Variants in ABCC2 observed in about 807,000 individuals in gnomAD.
ABCC2 encodes ATP binding cassette subfamily C member 2.
Under a neutral mutation model 173.4 loss-of-function variants are expected in ABCC2, and 157 were observed. The ratio of observed to expected loss-of-function variants is 0.91; its 90% CI spans 0.80 to 1.03. The LOEUF (loss-of-function observed/expected upper bound fraction) is 1.03. Among genes scored for constraint, ABCC2 ranks in the 50% least tolerant of loss-of-function variants. ABCC2 has a pLI of 0.00. For synonymous variants in ABCC2, 657 were observed against 693.5 expected, an observed-to-expected ratio of 0.95 and a Z score of 0.83; for missense variants, 1,822 against 1,852.3, an observed-to-expected ratio of 0.98 and a Z score of 0.30.
intron 19 of ABCC2, among the ~76,000 whole-genome samples, chr10:99,825,769 T>A (rs1200123738): frequency 6.6e-6 from 1 of 152,196 alleles, no homozygotes; most frequent in Non-Finnish European, 1.5e-5. Context: ...GGATTTTTTG[T>A]GGGGGCTCCC....
Position 99,814,526 on chromosome 10 carries a change from T to C in ABCC2, c.2094+1382T>C, listed in dbSNP as rs559512504. Among the ~76,000 whole-genome samples, 433 of 102,706 alleles carry C rather than the reference T, an allele frequency of 4.2e-3. 51 individuals are homozygous for C. Among genetic ancestry groups the C allele is most frequent in the African/African-American group, 0.014 (358 of 25,838 alleles). The allele number at this position is 102,706 out of a possible 152,430, so 67.4% of individuals were successfully genotyped here. On this transcript the variant is annotated intron_variant, in intron 16 of 31. Transcript: ENST00000647814. Reference sequence around the variant, plus strand: ...GTGTGTGTATGTGTATATATACATATATATACACATATACACACACATATG... The same window carrying C: ...GTGTGTGTATGTGTATATATACATACATATACACATATACACACACATATG...
chr10:99,830,273 A>C, intron 19 of ABCC2, 34 bp from the exon 20 acceptor site: 1 of 1,613,794 alleles, frequency 6.2e-7, no homozygotes, highest in African/African-American at 1.3e-5. Context: ...GGATCTATGC[A>C]GCTCTTTCCC....
At chr10:99,833,373 T>G (rs1214879388) in intron 23 of ABCC2, among the ~76,000 whole-genome samples, 3 of 152,232 alleles carry the variant, frequency 2.0e-5, no homozygotes, top group Non-Finnish European at 4.4e-5. Context: ...GTGAGTTACT[T>G]AGGCAACAGT....
intron 9 of ABCC2, 21 bp downstream of exon 9, chr10:99,800,584 A>T: frequency 6.2e-7 from 1 of 1,613,718 alleles, no homozygotes; most frequent in Non-Finnish European, 8.5e-7. Context: ...TACGGCAGGT[A>T]TCACCAAAGA....
intron 14 of ABCC2, among the ~76,000 whole-genome samples, 157 bp downstream of exon 14, chr10:99,810,375 A>G (rs1416576745): frequency 6.6e-6 from 1 of 152,228 alleles, no homozygotes; most frequent in Non-Finnish European, 1.5e-5. Context: ...TACTTGAATT[A>G]TGTTTACACT....
intron 23 of ABCC2, among the ~76,000 whole-genome samples, chr10:99,832,752 A>G (rs1416951132): frequency 1.3e-5 from 2 of 152,240 alleles, no homozygotes; most frequent in African/African-American, 4.8e-5. Context: ...GATTTTAAAA[A>G]GTTCTCAAAT....
rs762914474 is a variant in ABCC2, at chr10:99,834,518, ATT to A, written c.3399_3400del (p.Tyr1134CysfsTer43). 4.3e-6 allele frequency: 7 copies of A among 1,614,074 alleles called. No individual in the cohort carries two copies. Among genetic ancestry groups the A allele is most frequent in the East Asian group, 2.2e-5 (1 of 44,874 alleles). On this transcript the variant is annotated frameshift_variant, in exon 24 of 32. Transcript: ENST00000647814. LOFTEE classifies it high-confidence loss of function. ...FTIIVIPLGI[I>X]YVSVQMFYVS... Reference sequence around the variant, plus strand: ...CATCATCGTCATTCCTCTTGGCATTATTTATGTATCTGTTCAGGTAGGTTTGG... The same window carrying A: ...CATCATCGTCATTCCTCTTGGCATTATATGTATCTGTTCAGGTAGGTTTGG...
chr10:99,799,464 C>A, intron 8 of ABCC2, 94 bp downstream of exon 8: 1 of 1,438,566 alleles, frequency 7.0e-7, no homozygotes, highest in Non-Finnish European at 9.7e-7. Context: ...TTCTTAAATT[C>A]CCATTTTTTA....
chr10:99,804,005 A>G lies in ABCC2; in HGVS notation c.1210-14A>G, dbSNP rs770264544. The stretch of plus-strand genomic sequence containing the variant: ...GCTTTGTCCATGGGTCCTAATTTCA[A>G]TCCTTATCTTTAGGCATTGACCCTA... On this transcript the variant is annotated splice_polypyrimidine_tract_variant and intron_variant, in intron 9 of 31. Coordinates refer to ENST00000647814, the MANE Select transcript of ABCC2 (RefSeq NM_000392.5). 3.1e-6 allele frequency: 5 copies of G among 1,613,940 alleles called. No individual in the cohort carries two copies. The African/African-American group carries it at 4.0e-5, about 13-fold the overall frequency.
chr10:99,793,602 T>C lies in ABCC2; in HGVS notation c.385T>C (p.Ser129Pro), dbSNP rs2037844354. 11 of 1,614,124 alleles carry C rather than the reference T, an allele frequency of 6.8e-6. No individual in the cohort carries two copies. The highest frequency in any genetic ancestry group is 9.3e-6 in the Non-Finnish European group (11 of 1,179,984). ...CAGACAATGGTGTGTACAGAAAAAC[T>C]CCTGGTTCCTGTCCCTATTCTGGAT... ...YSRQWCVQKN[S>P]WFLSLFWILS... The change falls in exon 4 of 32, where the codon TCC (serine) becomes CCC (proline). Residue 129 changes from serine (S) to proline (P), a missense_variant. Transcript: ENST00000647814.
chr10:99,795,866 A>G (rs1344549713), intron 6 of ABCC2, among the ~76,000 whole-genome samples: 3 of 152,232 alleles, frequency 2.0e-5, no homozygotes, highest in Non-Finnish European at 2.9e-5. Flanking sequence ...TAGGCCAGGT[A>G]TGGTGGTTTA....
chr10:99,850,496 A>AG (rs1358281491), intron 30 of ABCC2, 106 bp from the exon 31 acceptor site: 26 of 1,098,646 alleles, frequency 2.4e-5, no homozygotes, highest in East Asian at 1.0e-4. Context: ...GGAATTTTGG[A>AG]GGGGGGGTTT....
intron 16 of ABCC2, among the ~76,000 whole-genome samples, chr10:99,814,767 A>ATACACACACACATG (rs2038368812): frequency 7.7e-6 from 1 of 129,066 alleles, no homozygotes; most frequent in Non-Finnish European, 1.6e-5. Flanking sequence ...ACACACATAT[A>ATACACACACACATG]TGTGTGTGTA....
rs530977793 is a variant in ABCC2 at position 99,797,797 on chromosome 10, C to T, written c.867+466C>T. 5.3e-4 allele frequency: 110 copies of T among 207,414 alleles called. 1 individual carries two copies. The highest frequency in any genetic ancestry group is 2.1e-3 in the East Asian group (18 of 8,600). 12.8% of individuals were successfully genotyped at this position (207,414 alleles called of 1,614,324 possible). A position where few individuals can be genotyped will look rare whatever the true frequency, so the allele number is the denominator to read the frequency against. On this transcript the variant is annotated intron_variant, in intron 7 of 31. Coordinates refer to ENST00000647814, the MANE Select transcript of ABCC2 (RefSeq NM_000392.5). ...AATAATAGCTATTAAGAAAATAAAA[C>T]AATAGTGTATTTGGAGTGAAGTGCG...
At chr10:99,850,514 C>A in intron 30 of ABCC2, 88 bp from the exon 31 acceptor site, 1 of 1,351,608 alleles carries the variant, frequency 7.4e-7, no homozygotes, top group Non-Finnish European at 1.0e-6. Flanking sequence ...TTTTGAAAGT[C>A]TGATCTGGAA....
intron 16 of ABCC2, 103 bp downstream of exon 16, chr10:99,813,247 C>T: frequency 7.0e-7 from 1 of 1,419,952 alleles, no homozygotes; most frequent in Admixed American, 1.9e-5. Context: ...TAGGTGAGGT[C>T]TTGGAGACAT....
At chr10:99,816,338 C>T (rs1390300602) in intron 16 of ABCC2, among the ~76,000 whole-genome samples, 7 of 150,676 alleles carry the variant, frequency 4.6e-5, no homozygotes, top group South Asian at 2.1e-4. Flanking sequence ...GGCTGGAGTG[C>T]AGTGGCCCAA....
chr10:99,828,531 T>A (rs532612419), intron 19 of ABCC2, among the ~76,000 whole-genome samples: 3 of 152,380 alleles, frequency 2.0e-5, no homozygotes, highest in African/African-American at 7.2e-5. Context: ...GTTCAAGGCC[T>A]CTCGCCTAGT....
rs1434159092 is a variant in ABCC2, at chr10:99,814,656, CATAT to C, written c.2094+1513_2094+1516del. ...ATGTGTATATACACATATACACACACATATGTGTATATACACATATACACACACG... is the reference window on the plus strand; with the variant it reads ...ATGTGTATATACACATATACACACACGTGTATATACACATATACACACACG... On this transcript the variant is annotated intron_variant, in intron 16 of 31. Transcript: ENST00000647814. Among the ~76,000 whole-genome samples the C allele has an allele frequency of 2.7e-3, 221 of 82,146 alleles. 21 individuals carry two copies. The highest frequency in any genetic ancestry group is 8.7e-3 in the African/African-American group (113 of 12,980). 53.9% of individuals were successfully genotyped at this position (82,146 alleles called of 152,430 possible). A position where few individuals can be genotyped will look rare whatever the true frequency, so the allele number is the denominator to read the frequency against.
Sources: gnomAD v4.1 joint callset for allele counts (sites outside exome capture counted in the v4.1 genomes callset) on GRCh38, gnomAD v4.1.1 for gene constraint, MANE v1.5 for transcripts, NCBI Gene and HGNC (gene_info 2026-07-23, HGNC 2026-07-21) for gene names.